The following ZBTB7C variants were observed in gnomAD, a reference collection of about 807,000 sequenced individuals.
ZBTB7C encodes the protein zinc finger and BTB domain-containing protein 7C.
ZBTB7C carries 8 observed loss-of-function variants against 25.7 expected under a neutral mutation model. The ratio of observed to expected loss-of-function variants is 0.31; its 90% CI spans 0.18 to 0.56. The LOEUF (loss-of-function observed/expected upper bound fraction) is 0.56. Among genes scored for constraint, ZBTB7C ranks in the 20% least tolerant of loss-of-function variants. The probability of loss-of-function intolerance (pLI) is 0.91; values close to 1 mark genes in which losing one functional copy is unlikely to be tolerated. For synonymous variants in ZBTB7C, 394 were observed against 369.0 expected (o/e 1.07, Z -0.78); for missense variants, 824 against 855.2 (o/e 0.96, Z 0.46).
chr18:48,140,580 G>T (rs896576297), intron 3 of ZBTB7C, among the ~76,000 whole-genome samples: 2 of 152,174 alleles, frequency 1.3e-5, no homozygotes, highest in African/African-American at 4.8e-5. Flanking sequence ...GTGGTTTGCT[G>T]ATGCATGCCT....
chr18:48,110,598 G>C (rs1486406096), intron 3 of ZBTB7C, among the ~76,000 whole-genome samples: 1 of 152,206 alleles, frequency 6.6e-6, no homozygotes, highest in Non-Finnish European at 1.5e-5. Context: ...GAACCCCTGA[G>C]ATTTAATTTG....
At chr18:48,047,023 C>G (rs2036501194) in intron 3 of ZBTB7C, among the ~76,000 whole-genome samples, 1 of 152,142 alleles carries the variant, frequency 6.6e-6, no homozygotes, top group African/African-American at 2.4e-5. Context: ...CAGATGTAAC[C>G]ATGGTAGCTC....
At chr18:48,073,724 G>C (rs910745052) in intron 3 of ZBTB7C, among the ~76,000 whole-genome samples, 2 of 149,832 alleles carry the variant, frequency 1.3e-5, no homozygotes, top group African/African-American at 4.9e-5. Context: ...GCTGGCCTCC[G>C]CCCTGGCTCC....
In ZBTB7C at chr18:48,305,664, GA is replaced by G. The variant is rs1190087496; in HGVS notation, c.-79+32509del. Among the ~76,000 whole-genome samples, 17 of 152,270 alleles carry G rather than the reference GA, an allele frequency of 1.1e-4. No individual in the cohort carries two copies. The East Asian group carries it at 3.3e-3, about 29-fold the overall frequency. Reference sequence around the variant, plus strand: ...TGATGTGCTAATGCCCAAGTAAGTGGAAATACTCCAAGCTGACAGTTAGGGA... The same window carrying G: ...TGATGTGCTAATGCCCAAGTAAGTGGAATACTCCAAGCTGACAGTTAGGGA... On this transcript the variant is annotated intron_variant, in intron 2 of 4. Transcript: ENST00000590800.
chr18:48,217,539 C>T (rs1301500649), intron 2 of ZBTB7C, among the ~76,000 whole-genome samples: 2 of 152,176 alleles, frequency 1.3e-5, no homozygotes, highest in Non-Finnish European at 2.9e-5. Flanking sequence ...TAGCCAGCCA[C>T]CCTGAAGTCT....
intron 3 of ZBTB7C, among the ~76,000 whole-genome samples, chr18:48,128,964 C>T (rs143398207): frequency 3.3e-4 from 50 of 152,134 alleles, no homozygotes; most frequent in East Asian, 1.4e-3. Flanking sequence ...CTCTTCCACA[C>T]CTTAATGTGA....
In ZBTB7C at chr18:48,250,568, T is replaced by A. The variant is rs145532753; in HGVS notation, c.-78-64573A>T. 1.7e-3 allele frequency among the ~76,000 whole-genome samples: 257 copies of A among 151,938 alleles called. 1 individual carries two copies. Among genetic ancestry groups the A allele is most frequent in the African/African-American group, 6.0e-3 (248 of 41,294 alleles). On this transcript the variant is annotated intron_variant, in intron 2 of 4. Coordinates refer to ENST00000590800, the MANE Select transcript of ZBTB7C (RefSeq NM_001318841.2). ...GCTCCACTGTGGTATGTGCCCATAC[T>A]TAATAAAAAAACCCAGTCCCAAACT... is the stretch of plus-strand genomic sequence containing the variant.
chr18:48,330,647 T>C (rs576507582), intron 2 of ZBTB7C, among the ~76,000 whole-genome samples: 2 of 147,200 alleles, frequency 1.4e-5, no homozygotes, highest in South Asian at 4.3e-4. Flanking sequence ...CAGTGGTTTC[T>C]GTATTTAAAA....
chr18:48,079,003 C>T (rs2037879184), intron 3 of ZBTB7C, among the ~76,000 whole-genome samples: 1 of 152,124 alleles, frequency 6.6e-6, no homozygotes, highest in Non-Finnish European at 1.5e-5. Context: ...AATAGCGCTG[C>T]TGTGAATGTT....
At chr18:48,343,118 G>A (rs1438434814) in intron 1 of ZBTB7C, among the ~76,000 whole-genome samples, 1 of 152,120 alleles carries the variant, frequency 6.6e-6, no homozygotes, top group Non-Finnish European at 1.5e-5. Context: ...TGCGACCTTA[G>A]GTAAGTTGCT....
intron 2 of ZBTB7C, among the ~76,000 whole-genome samples, chr18:48,196,666 T>C (rs2042324693): frequency 6.6e-6 from 1 of 152,182 alleles, no homozygotes; most frequent in Non-Finnish European, 1.5e-5. Flanking sequence ...TCCTCTCCTC[T>C]TTTAACTTCC....
At chr18:48,083,458 C>T (rs905533014) in intron 3 of ZBTB7C, among the ~76,000 whole-genome samples, 15 of 152,058 alleles carry the variant, frequency 9.9e-5, no homozygotes, top group Non-Finnish European at 1.8e-4. Context: ...CCCCTCCTCA[C>T]CCATCCCACA....
intron 3 of ZBTB7C, among the ~76,000 whole-genome samples, chr18:48,155,797 A>C (rs2040824914): frequency 1.3e-5 from 2 of 152,140 alleles, no homozygotes; most frequent in African/African-American, 2.4e-5. Flanking sequence ...GAGAACTACC[A>C]CTAGTTTAGT....
chr18:48,113,843 C>G (rs572599230), intron 3 of ZBTB7C, among the ~76,000 whole-genome samples: 1 of 152,324 alleles, frequency 6.6e-6, no homozygotes, highest in South Asian at 2.1e-4. Flanking sequence ...CTCCAGGAAG[C>G]AGGCTACACA....
chr18:48,029,245 C>A lies in ZBTB7C; in HGVS notation c.*15G>T. On this transcript the variant is annotated 3_prime_UTR_variant, in exon 5 of 5. Coordinates refer to ENST00000590800, the MANE Select transcript of ZBTB7C (RefSeq NM_001318841.2). ...GGACTGGAGGGCTGGTGGGCTGGAG[C>A]CGACAGGGACCAGCCTAGTTGTTGG... 6.5e-7 allele frequency: 1 copy of A among 1,530,252 alleles called. No homozygotes were observed. The allele number at this position is 1,530,252 out of a possible 1,614,324, so 94.8% of individuals were successfully genotyped here. A position where few individuals can be genotyped will look rare whatever the true frequency, so the allele number is the denominator to read the frequency against.
rs562181103 is a variant in ZBTB7C, at chr18:48,043,076, A to T, written c.-16-1953T>A. On this transcript the variant is annotated intron_variant, in intron 3 of 4. Coordinates refer to ENST00000590800, the MANE Select transcript of ZBTB7C (RefSeq NM_001318841.2). ...GGATAGTGGCTAAAATAATAAAAAA[A>T]TACTGATAACACCGAATGCTGGTGA... Among the ~76,000 whole-genome samples the T allele has an allele frequency of 6.6e-5, 10 of 152,306 alleles. No individual in the cohort carries two copies. The East Asian group carries it at 1.9e-3, about 29-fold the overall frequency.
chr18:48,351,948 TGATGACAG>T (rs1312561542), intron 1 of ZBTB7C, among the ~76,000 whole-genome samples: 1 of 152,106 alleles, frequency 6.6e-6, no homozygotes, highest in Non-Finnish European at 1.5e-5. Context: ...CTGAGAGCCC[TGATGACAG>T]GAACTAGAGA....
intron 2 of ZBTB7C, among the ~76,000 whole-genome samples, chr18:48,280,514 G>GT (rs1298672577): frequency 6.6e-6 from 1 of 151,956 alleles, no homozygotes; most frequent in Non-Finnish European, 1.5e-5. Flanking sequence ...GCCCCAACCC[G>GT]TATCAACACA....
chr18:48,203,368 G>A (rs148804865), intron 2 of ZBTB7C: 152 of 152,376 alleles, frequency 1.0e-3, no homozygotes, highest in African/African-American at 3.4e-3. Context: ...GGCTGGCCTG[G>A]GCCGAAAGCT....
Sources: allele counts gnomAD v4.1 joint callset (sites outside exome capture counted in the v4.1 genomes callset), GRCh38; gene constraint gnomAD v4.1.1; transcripts MANE v1.5; gene names NCBI Gene and HGNC (gene_info 2026-07-23, HGNC 2026-07-21).